Variants in SIRT3 observed in about 807,000 individuals in gnomAD.
SIRT3 encodes NAD-dependent protein deacetylase sirtuin-3, mitochondrial.
In SIRT3, 26 loss-of-function variants were observed where a neutral mutation model predicts 33.5. The ratio of observed to expected loss-of-function variants is 0.78; its 90% confidence interval spans 0.57 to 1.08. SIRT3 has a LOEUF of 1.08. SIRT3 is among the 50% of genes least tolerant of loss of function. The pLI, the probability that SIRT3 is intolerant of heterozygous loss-of-function variation, is 0.00. For missense variants in SIRT3, 585 were observed against 530.1 expected, an observed-to-expected ratio of 1.10 and a Z score of -1.02; for synonymous variants, 237 against 222.1, an observed-to-expected ratio of 1.07 and a Z score of -0.60.
At position 236,339 on chromosome 11, in the gene SIRT3, G is replaced by T. The variant is rs750694529; in HGVS notation, c.-11C>A. 4 of 1,357,208 alleles carry T rather than the reference G, an allele frequency of 2.9e-6. No individual in the cohort carries two copies. The East Asian group carries it at 1.2e-4, about 42-fold the overall frequency. 84.1% of individuals were successfully genotyped at this position (1,357,208 alleles called of 1,614,324 possible). A position where few individuals can be genotyped will look rare whatever the true frequency, so the allele number is the denominator to read the frequency against. On this transcript the variant is annotated 5_prime_UTR_variant, in exon 1 of 7. The change creates a new upstream start codon in the 5' untranslated region. Coordinates refer to ENST00000382743, the MANE Select transcript of SIRT3 (RefSeq NM_012239.6). ...ACCCCAGAACGCCATGTTCCGCGCA[G>T]TCCAAGGAGTCCTCCGGACTCGCCC...
chr11:218,613 G>A (rs3847648), intron 6 of SIRT3, among the ~76,000 whole-genome samples: 11,665 of 152,190 alleles, frequency 0.077, 965 homozygotes, highest in East Asian at 0.43. Context: ...TGTCTGGACC[G>A]TGTCCCTGCT....
rs748705829 is a variant in SIRT3 at position 233,109 on chromosome 11, T to C, written c.580A>G (p.Thr194Ala). 3.1e-6 allele frequency: 5 copies of C among 1,613,468 alleles called. No homozygotes were observed. The highest frequency in any genetic ancestry group is 2.5e-6 in the Non-Finnish European group (3 of 1,179,902). ...FFFHNPKPFF[T>A]LAKELYPGNY... is the part of the protein sequence containing the mutation. ...CCAGGGTACAGCTCCTTGGCCAAAG[T>C]GAAAAAGGGCTTGGGGTTGTGAAAG... The change falls in exon 3 of 7, where the codon ACT becomes GCT. Residue 194 changes from threonine (T) to alanine (A), a missense_variant. By Grantham distance (58) the Thr-to-Ala change is moderately conservative (BLOSUM62 0). Coordinates refer to ENST00000382743, the MANE Select transcript of SIRT3 (RefSeq NM_012239.6).
chr11:236,251 T>C lies in SIRT3; in HGVS notation c.78A>G (p.Gly26=). The part of the protein sequence containing the change: ...GRVVERVEAG[G]GVGPFQACGC... ...CGCAGGCCTGAAACGGCCCCACGCCTCCCCCGGCCTCGACCCGTTCAACTA... is the reference window on the plus strand; with the variant it reads ...CGCAGGCCTGAAACGGCCCCACGCCCCCCCCGGCCTCGACCCGTTCAACTA... Residue 26 remains glycine (G), a synonymous_variant, in exon 1 of 7, where the codon GGA becomes GGG. Coordinates refer to ENST00000382743, the MANE Select transcript of SIRT3 (RefSeq NM_012239.6). 1 of 1,545,734 alleles carries C rather than the reference T, an allele frequency of 6.5e-7. No individual in the cohort carries two copies. The highest frequency in any genetic ancestry group is 8.7e-7 in the Non-Finnish European group (1 of 1,150,288).
Position 236,150 on chromosome 11 carries a change from G to T in SIRT3, c.179C>A (p.Pro60His). The T allele has an allele frequency of 6.4e-7, 1 of 1,569,896 alleles. No individual in the cohort carries two copies. Among genetic ancestry groups the T allele is most frequent in the South Asian group, 1.2e-5 (1 of 85,724 alleles). Residue 60 changes from proline to histidine, a missense_variant, in exon 1 of 7, where the codon CCC becomes CAC. Pro to His is a moderately conservative substitution (Grantham distance 77, BLOSUM62 -2). Coordinates refer to ENST00000382743, the MANE Select transcript of SIRT3 (RefSeq NM_012239.6). ...LRGSHGARGEPLDPARPLQRP... is the reference protein window; with the variant it reads ...LRGSHGARGEHLDPARPLQRP... Reference sequence around the variant, plus strand: ...CTGCAAGGGGCGCGCCGGGTCCAAGGGCTCACCGCGGGCCCCATGGCTGCC... The same window carrying T: ...CTGCAAGGGGCGCGCCGGGTCCAAGTGCTCACCGCGGGCCCCATGGCTGCC...
In SIRT3 at chr11:235,605, A is replaced by C. The variant is rs562216059; in HGVS notation, c.281+443T>G. On this transcript the variant is annotated intron_variant, in intron 1 of 6. Transcript: ENST00000382743. ...CATTATAGGGCATCTGATACCTAAC[A>C]ACCATGGACCTTAAGATTTTTTCCT... Among the ~76,000 whole-genome samples, 8 of 152,352 alleles carry C rather than the reference A, an allele frequency of 5.3e-5. No homozygotes were observed. The East Asian group carries it at 1.2e-3, about 22-fold the overall frequency.
intron 3 of SIRT3, 137 bp downstream of exon 3, chr11:232,846 G>A (rs1270569105): frequency 9.5e-6 from 7 of 739,616 alleles, no homozygotes; most frequent in Non-Finnish European, 1.3e-5. Flanking sequence ...AAGCATAAGC[G>A]ATAGGTTTTG....
intron 3 of SIRT3, among the ~76,000 whole-genome samples, chr11:231,276 A>T (rs1013014872): frequency 6.6e-6 from 1 of 152,124 alleles, no homozygotes; most frequent in Non-Finnish European, 1.5e-5. Flanking sequence ...TGTCTTAAAA[A>T]ATTTTTTTAA....
At chr11:233,827 A>G (rs1415159952) in intron 1 of SIRT3, 4 of 296,960 alleles carry the variant, frequency 1.3e-5, no homozygotes, top group East Asian at 6.8e-5. Context: ...ACTGACTGCA[A>G]ACCTCCAAAG....
intron 1 of SIRT3, among the ~76,000 whole-genome samples, chr11:235,122 C>T (rs562382107): frequency 6.6e-5 from 10 of 152,060 alleles, no homozygotes; most frequent in Non-Finnish European, 1.3e-4. Context: ...GTTATCCACC[C>T]GTCTCATCCT....
In SIRT3 at chr11:234,957, A is replaced by T. The variant is rs893275060; in HGVS notation, c.281+1091T>A. ...CAATGGTGCCATCTCGGCTCACTGC[A>T]ACCTCTGCCTTCCGGGTTCAAGTGA... On this transcript the variant is annotated intron_variant, in intron 1 of 6. Transcript: ENST00000382743. 2.0e-5 allele frequency among the ~76,000 whole-genome samples: 3 copies of T among 151,392 alleles called. No individual in the cohort carries two copies. The East Asian group carries it at 5.8e-4, about 30-fold the overall frequency.
chr11:219,055 CA>C lies in SIRT3; in HGVS notation c.970-15del. 6.2e-7 allele frequency: 1 copy of C among 1,603,438 alleles called. No homozygotes were observed. Among genetic ancestry groups the C allele is most frequent in the Non-Finnish European group, 8.5e-7 (1 of 1,175,148 alleles). ...AAAAGGCTCCACCTGAAAAATGGGC[CA>C]AACGTGAGGGGCACAGTGTCCACTT... is the stretch of plus-strand genomic sequence containing the variant. On this transcript the variant is annotated splice_polypyrimidine_tract_variant and intron_variant, in intron 5 of 6. Transcript: ENST00000382743.
chr11:224,453 T>C (rs962077743), intron 4 of SIRT3, among the ~76,000 whole-genome samples: 5 of 152,224 alleles, frequency 3.3e-5, no homozygotes, highest in African/African-American at 1.2e-4. Context: ...TTGGAGCCTT[T>C]AAAAGCAAAT....
chr11:219,973 T>C (rs1441113204), intron 5 of SIRT3, among the ~76,000 whole-genome samples: 1 of 152,200 alleles, frequency 6.6e-6, no homozygotes, highest in Non-Finnish European at 1.5e-5. Flanking sequence ...ATATTGCTAA[T>C]TGATAAACTC....
chr11:234,403 T>TTTGTTTTGTTTTGTTTTG (rs61632362), intron 1 of SIRT3, among the ~76,000 whole-genome samples: 1,569 of 151,434 alleles, frequency 0.01, 7 homozygotes, highest in Admixed American at 0.012. Flanking sequence ...GTAGCAAGGA[T>TTTGTTTTGTTTTGTTTTG]TTTTGTTTTG....
chr11:233,340 T>C lies in SIRT3; in HGVS notation c.473+3A>G. The C allele has an allele frequency of 6.2e-7, 1 of 1,613,326 alleles. No individual in the cohort carries two copies. The highest frequency in any genetic ancestry group is 8.5e-7 in the Non-Finnish European group (1 of 1,179,566). On this transcript the variant is annotated splice_donor_region_variant and intron_variant, in intron 2 of 6. Coordinates refer to ENST00000382743, the MANE Select transcript of SIRT3 (RefSeq NM_012239.6). ...AGAAGGCAGGTGGGACTGTGGGCAG[T>C]ACCTGAAGTCTGGAATGCCACTGGG...
In SIRT3 at chr11:233,393, C is replaced by T. The variant is rs774238689; in HGVS notation, c.423G>A (p.Val141=). 2 of 1,614,100 alleles carry T rather than the reference C, an allele frequency of 1.2e-6. No homozygotes were observed. Among genetic ancestry groups the T allele is most frequent in the South Asian group, 1.1e-5 (1 of 91,074 alleles). Residue 141 remains valine, a synonymous_variant, in exon 2 of 7, where the codon GTG becomes GTA. Coordinates refer to ENST00000382743, the MANE Select transcript of SIRT3 (RefSeq NM_012239.6). ...LIRARACQRV[V]VMVGAGISTP... ...TGCTGATGCCGGCCCCCACCATGAC[C>T]ACCACCCTCTGGCAGGCTCTGGCCC...
At position 233,004 on chromosome 11, in the gene SIRT3, T is replaced by C. The variant is rs781263507; in HGVS notation, c.685A>G (p.Asn229Asp). ...TCACCTCTCTCAAGCCCATCGATGT[T>C]CTGCGTGTAGAGCCGCAGAAGCAGC... ...KGLLLRLYTQ[N>D]IDGLERVSGI... is the part of the protein sequence containing the mutation. The change falls in exon 3 of 7, where the codon AAC becomes GAC. Residue 229 changes from asparagine (N) to aspartate (D), a missense_variant. Coordinates refer to ENST00000382743, the MANE Select transcript of SIRT3 (RefSeq NM_012239.6). 6.2e-7 allele frequency: 1 copy of C among 1,614,038 alleles called. No homozygotes were observed. Among genetic ancestry groups the C allele is most frequent in the Non-Finnish European group, 8.5e-7 (1 of 1,180,022 alleles).
At chr11:226,358 T>C (rs888180450) in intron 4 of SIRT3, among the ~76,000 whole-genome samples, 8 of 152,142 alleles carry the variant, frequency 5.3e-5, no homozygotes, top group Admixed American at 3.9e-4. Context: ...TGGGGTTCCC[T>C]TGACCAAGGG....
At chr11:221,895 CA>C (rs1361798766) in intron 5 of SIRT3, among the ~76,000 whole-genome samples, 1 of 108,804 alleles carries the variant, frequency 9.2e-6, no homozygotes, top group African/African-American at 2.6e-5. Context: ...TGCATTTGTA[CA>C]AAAAAAAGAA....
Sources: gnomAD v4.1 joint callset for allele counts (sites outside exome capture counted in the v4.1 genomes callset) on GRCh38, gnomAD v4.1.1 for gene constraint, MANE v1.5 for transcripts, NCBI Gene and HGNC (gene_info 2026-07-23, HGNC 2026-07-21) for gene names.